CASKIN1: variants seen among roughly 807,000 people sequenced by gnomAD.
CASKIN1 encodes CASK interacting protein 1.
In CASKIN1, 42 loss-of-function variants were observed where a neutral mutation model predicts 117.5. The ratio of observed to expected loss-of-function variants is 0.36; its 90% CI spans 0.28 to 0.46. CASKIN1 has a LOEUF of 0.46. CASKIN1 is among the 20% of genes least tolerant of loss of function. The pLI is 1.00. For missense variants in CASKIN1, 2,083 were observed against 2,077.3 expected (o/e 1.00, Z -0.05); for synonymous variants, 1,148 against 961.7 (o/e 1.19, Z -3.59).
rs925699133 is a variant in CASKIN1 at position 2,196,560 on chromosome 16, C to A, written c.-128G>T. 2 of 199,458 alleles carry A rather than the reference C, an allele frequency of 1.0e-5. No individual in the cohort carries two copies. The highest frequency in any genetic ancestry group is 4.8e-5 in the African/African-American group (2 of 41,752). The allele number at this position is 199,458 out of a possible 1,614,324, so 12.4% of individuals were successfully genotyped here. ...CCGCCGCCTCCTCGCCGCCCGCCGC[C>A]CCTTCGCCCTCCTCGGGCTCCGGCT... On this transcript the variant is annotated 5_prime_UTR_variant, in exon 1 of 20. Transcript: ENST00000343516. The surrounding 1 kb of genome is among the most constrained non-coding windows in gnomAD (Gnocchi z 5.7).
chr16:2,186,869 C>A, intron 9 of CASKIN1, 45 bp from the exon 10 acceptor site: 1 of 1,606,968 alleles, frequency 6.2e-7, no homozygotes, highest in Non-Finnish European at 8.5e-7. Flanking sequence ...CCCCCTTTCG[C>A]AGAGTCTCCT....
In CASKIN1 at chr16:2,181,642, G is replaced by GAGGGGC. The variant is rs1034205435; in HGVS notation, c.1769-49_1769-44dup. On this transcript the variant is annotated intron_variant, in intron 17 of 19. Transcript: ENST00000343516. ...GGCAGGTCAGGTGGACCAGGAGGCGGAGGGGCAGGGGCCGGGCTAGGGGCG... is the reference window on the plus strand; with the variant it reads ...GGCAGGTCAGGTGGACCAGGAGGCGGAGGGGCAGGGGCAGGGGCCGGGCTAGGGGCG... The GAGGGGC allele has an allele frequency of 3.4e-6, 5 of 1,489,316 alleles. No homozygotes were observed. In the African/African-American group the frequency reaches 4.2e-5, roughly 12 times the overall value. The allele number at this position is 1,489,316 out of a possible 1,614,324, so 92.3% of individuals were successfully genotyped here. A position where few individuals can be genotyped will look rare whatever the true frequency, so the allele number is the denominator to read the frequency against.
Position 2,182,370 on chromosome 16 carries a change from C to T in CASKIN1, c.1630-441G>A, listed in dbSNP as rs1003363802. Among the ~76,000 whole-genome samples the T allele has an allele frequency of 6.6e-6, 1 of 152,088 alleles. No homozygotes were observed. Among genetic ancestry groups the T allele is most frequent in the African/African-American group, 2.4e-5 (1 of 41,396 alleles). The stretch of plus-strand genomic sequence containing the variant: ...CCCATCCCGTTTCACACTCTGACCT[C>T]TCACCCACATCACAGGGCCACACAC... On this transcript the variant is annotated intron_variant, in intron 16 of 19. Coordinates refer to ENST00000343516, the MANE Select transcript of CASKIN1 (RefSeq NM_020764.4). This position sits in a 1 kb window ranked among gnomAD's most constrained non-coding sequence, Gnocchi z 4.1.
Position 2,180,855 on chromosome 16 carries a change from T to C in CASKIN1, c.2513A>G (p.Gln838Arg). 7.1e-7 allele frequency: 1 copy of C among 1,406,048 alleles called. No homozygotes were observed. The highest frequency in any genetic ancestry group is 1.6e-5 in the South Asian group (1 of 61,712). The allele number at this position is 1,406,048 out of a possible 1,614,324, so 87.1% of individuals were successfully genotyped here. A position where few individuals can be genotyped will look rare whatever the true frequency, so the allele number is the denominator to read the frequency against. ...THRGFAYVLP[Q>R]PVEGEVGPAA... ...CGGCCCCACCTCGCCCTCCACGGGC[T>C]GGGGCAGCACGTAGGCAAAGCCGCG... The change falls in exon 18 of 20, where the codon CAG becomes CGG. Residue 838 changes from glutamine to arginine, a missense_variant. By Grantham distance (43) the Gln-to-Arg change is conservative. Coordinates refer to ENST00000343516, the MANE Select transcript of CASKIN1 (RefSeq NM_020764.4).
Position 2,189,249 on chromosome 16 carries a change from C to T in CASKIN1, c.475G>A (p.Gly159Ser). Residue 159 changes from glycine to serine, a missense_variant, in exon 5 of 20, where the codon GGC becomes AGC. Transcript: ENST00000343516. ...CACAGGAGACTCACCCCAACGCGGC[C>T]GAACTCGCAGGCCAGGTCCAGGGGC... ...KTPLDLACEF[G>S]RVGVVQLLLS... The T allele has an allele frequency of 1.2e-6, 2 of 1,613,254 alleles. No homozygotes were observed. The highest frequency in any genetic ancestry group is 1.7e-6 in the Non-Finnish European group (2 of 1,179,906).
chr16:2,185,347 T>G lies in CASKIN1; in HGVS notation c.1110A>C (p.Ala370=). Residue 370 remains alanine (A), a synonymous_variant, in exon 11 of 20, where the codon GCA becomes GCC. Coordinates refer to ENST00000343516, the MANE Select transcript of CASKIN1 (RefSeq NM_020764.4). ...TCAGCACCCAGATCTCCTCTGGGGG[T>G]GCAGAGGGTCCCGATGAGCTGCTTC... The part of the protein sequence containing the change: ...PQGSSSSGPS[A]PPEEIWVLRK... The G allele has an allele frequency of 6.2e-7, 1 of 1,611,040 alleles. No individual in the cohort carries two copies.
In CASKIN1 at chr16:2,180,066, C is replaced by T. The variant is rs777007261; in HGVS notation, c.3302G>A (p.Arg1101Gln). The T allele has an allele frequency of 2.5e-6, 4 of 1,579,832 alleles. No individual in the cohort carries two copies. The highest frequency in any genetic ancestry group is 1.7e-4 in the Middle Eastern group (1 of 5,912). Residue 1101 changes from arginine (R) to glutamine (Q), a missense_variant, in exon 18 of 20, where the codon CGG becomes CAG. This residue lies in a region of CASKIN1 where 1,818 missense variants were observed against 1,688.9 expected (regional missense o/e 1.08). Coordinates refer to ENST00000343516, the MANE Select transcript of CASKIN1 (RefSeq NM_020764.4). ...ACCCGCCTCGCCCTTGGAGGGACCC[C>T]GAGGCCGCTGCCGGCCAGTGCCATC... is the stretch of plus-strand genomic sequence containing the variant. ...VEDGTGRQRP[R>Q]GPSKGEAGVE...
At position 2,178,061 on chromosome 16, in the gene CASKIN1, T is replaced by C. The variant is rs772193884; in HGVS notation, c.*489A>G. On this transcript the variant is annotated 3_prime_UTR_variant, in exon 20 of 20. Transcript: ENST00000343516. ...TTTAAATATATATTTGTTAAAGTTA[T>C]ACCTTTTTGTTTCTCTGGGGAAATC... is the stretch of plus-strand genomic sequence containing the variant. 4.1e-6 allele frequency: 2 copies of C among 483,054 alleles called. No homozygotes were observed. The highest frequency in any genetic ancestry group is 7.9e-6 in the Non-Finnish European group (2 of 253,254). 29.9% of individuals were successfully genotyped at this position (483,054 alleles called of 1,614,324 possible).
rs1167319020 is a variant in CASKIN1, at chr16:2,189,528, C to A, written c.281G>T (p.Arg94Leu). Residue 94 changes from arginine to leucine, a missense_variant, in exon 4 of 20, where the codon CGG becomes CTG. Around this residue, in one of 3 missense-constraint regions of CASKIN1, gnomAD observed 203 missense variants for 338.7 expected, o/e 0.60. Transcript: ENST00000343516. ...CAGCACCAGCTTCATGGGCTCCTTC[C>A]GGCCCTGCCAGGCCGCATAGTGCAG... is the stretch of plus-strand genomic sequence containing the variant. ...RPLHYAAWQGRKEPMKLVLKA... is the reference protein window; with the variant it reads ...RPLHYAAWQGLKEPMKLVLKA... 1 of 1,611,408 alleles carries A rather than the reference C, an allele frequency of 6.2e-7. No homozygotes were observed. Among genetic ancestry groups the A allele is most frequent in the Non-Finnish European group, 8.5e-7 (1 of 1,179,606 alleles).
At chr16:2,183,131 C>T (rs899914151) in intron 16 of CASKIN1, among the ~76,000 whole-genome samples, 1 of 152,212 alleles carries the variant, frequency 6.6e-6, no homozygotes. Flanking sequence ...GTGCAGGTAT[C>T]GCTGAGAATG....
In CASKIN1 at chr16:2,187,344, C is replaced by T. The variant is rs764139158; in HGVS notation, c.726+9G>A. On this transcript the variant is annotated intron_variant, in intron 7 of 19. Transcript: ENST00000343516. Reference sequence around the variant, plus strand: ...CACTGGGCCCAGCGCCCCTGGGCCCCACACTCACATCCAGCAGCAGCCGCA... The same window carrying T: ...CACTGGGCCCAGCGCCCCTGGGCCCTACACTCACATCCAGCAGCAGCCGCA... 1 of 1,613,140 alleles carries T rather than the reference C, an allele frequency of 6.2e-7. No homozygotes were observed. Among genetic ancestry groups the T allele is most frequent in the East Asian group, 2.2e-5 (1 of 44,876 alleles).
At position 2,179,117 on chromosome 16, in the gene CASKIN1, G is replaced by C; in HGVS notation, c.3984C>G (p.Pro1328=). The part of the protein sequence containing the change: ...PPSLGASPAK[P]PSPGAPALHV... ...GCAGCGCGGGCGCGCCGGGGGACGG[G>C]GGCTTGGCGGGGCTGGCGCCCAGCG... is the stretch of plus-strand genomic sequence containing the variant. The change falls in exon 19 of 20, where the codon CCC becomes CCG. Residue 1328 remains proline (P), a synonymous_variant. Coordinates refer to ENST00000343516, the MANE Select transcript of CASKIN1 (RefSeq NM_020764.4). The surrounding 1 kb of genome is among the most constrained non-coding windows in gnomAD (Gnocchi z 5.8). 3 of 1,009,372 alleles carry C rather than the reference G, an allele frequency of 3.0e-6. No individual in the cohort carries two copies. The highest frequency in any genetic ancestry group is 3.5e-6 in the Non-Finnish European group (3 of 847,450). 62.5% of individuals were successfully genotyped at this position (1,009,372 alleles called of 1,614,324 possible). A position where few individuals can be genotyped will look rare whatever the true frequency, so the allele number is the denominator to read the frequency against.
Position 2,182,548 on chromosome 16 carries a change from T to C in CASKIN1, c.1630-619A>G, listed in dbSNP as rs1270457336. 6.6e-6 allele frequency among the ~76,000 whole-genome samples: 1 copy of C among 151,854 alleles called. No homozygotes were observed. Among genetic ancestry groups the C allele is most frequent in the Non-Finnish European group, 1.5e-5 (1 of 68,006 alleles). On this transcript the variant is annotated intron_variant, in intron 16 of 19. Transcript: ENST00000343516. The surrounding 1 kb of genome is among the most constrained non-coding windows in gnomAD (Gnocchi z 4.1). ...TCTTGAACACTCAGCCACCCCCAGGTGCGCGGCAAGGCCCGTGGGACCCGG... is the reference window on the plus strand; with the variant it reads ...TCTTGAACACTCAGCCACCCCCAGGCGCGCGGCAAGGCCCGTGGGACCCGG...
At chr16:2,181,735 G>A in intron 17 of CASKIN1, 56 bp downstream of exon 17, 1 of 1,581,418 alleles carries the variant, frequency 6.3e-7, no homozygotes, top group Admixed American at 1.7e-5. Context: ...GTGGCTGGTG[G>A]CTGGGGCTTG....
chr16:2,179,524 C>G lies in CASKIN1; in HGVS notation c.3775+69G>C. 7.1e-7 allele frequency: 1 copy of G among 1,403,888 alleles called. No individual in the cohort carries two copies. The highest frequency in any genetic ancestry group is 1.5e-5 in the South Asian group (1 of 66,002). 87.0% of individuals were successfully genotyped at this position (1,403,888 alleles called of 1,614,324 possible). ...CATCAAACCCAAGAAAAGGAAAACCCCTCAGACCACCGAGTAAGGAGGTGG... is the reference window on the plus strand; with the variant it reads ...CATCAAACCCAAGAAAAGGAAAACCGCTCAGACCACCGAGTAAGGAGGTGG... On this transcript the variant is annotated intron_variant, in intron 18 of 19. Transcript: ENST00000343516. This position sits in a 1 kb window ranked among gnomAD's most constrained non-coding sequence, Gnocchi z 5.8.
chr16:2,177,414 ATTT>A lies in CASKIN1; in HGVS notation c.*1133_*1135del, dbSNP rs1036774548. 5 of 232,680 alleles carry A rather than the reference ATTT, an allele frequency of 2.1e-5. No individual in the cohort carries two copies. Among genetic ancestry groups the A allele is most frequent in the Middle Eastern group, 1.3e-3 (1 of 798 alleles). 14.4% of individuals were successfully genotyped at this position (232,680 alleles called of 1,614,324 possible). ...CACACCACAATCGCTGGTTTTCGGCATTTTTTAAATTTTTTTTTTAAGAAACGT... is the reference window on the plus strand; with the variant it reads ...CACACCACAATCGCTGGTTTTCGGCATTTAAATTTTTTTTTTAAGAAACGT... On this transcript the variant is annotated 3_prime_UTR_variant, in exon 20 of 20. Coordinates refer to ENST00000343516, the MANE Select transcript of CASKIN1 (RefSeq NM_020764.4).
At chr16:2,185,665 G>A (rs774715694) in intron 10 of CASKIN1, among the ~76,000 whole-genome samples, 28 of 152,244 alleles carry the variant, frequency 1.8e-4, no homozygotes, top group Non-Finnish European at 2.8e-4. Context: ...ATTGCTGGAC[G>A]GTATGAAAGT....
rs2093156348 is a variant in CASKIN1 at position 2,179,002 on chromosome 16, C to T, written c.4099G>A (p.Asp1367Asn). The change falls in exon 19 of 20, where the codon GAC (aspartate) becomes AAC (asparagine). Residue 1367 changes from aspartate (D) to asparagine (N), a missense_variant. Coordinates refer to ENST00000343516, the MANE Select transcript of CASKIN1 (RefSeq NM_020764.4). This position sits in a 1 kb window ranked among gnomAD's most constrained non-coding sequence, Gnocchi z 5.8. ...TCCTCCAGTTTCTGCCGGGCGCTGT[C>T]CCCTGGCGAGGCGCCTTCGGGCGGG... ...PAPPEGASPG[D>N]SARQKLEETS... is the part of the protein sequence containing the mutation. 1.6e-6 allele frequency: 2 copies of T among 1,245,818 alleles called. No homozygotes were observed. The highest frequency in any genetic ancestry group is 3.3e-5 in the East Asian group (1 of 30,466). The allele number at this position is 1,245,818 out of a possible 1,614,324, so 77.2% of individuals were successfully genotyped here. A position where few individuals can be genotyped will look rare whatever the true frequency, so the allele number is the denominator to read the frequency against.
At position 2,181,492 on chromosome 16, in the gene CASKIN1, G is replaced by T; in HGVS notation, c.1876C>A (p.Leu626Ile). The T allele has an allele frequency of 6.2e-7, 1 of 1,611,416 alleles. No individual in the cohort carries two copies. The highest frequency in any genetic ancestry group is 8.5e-7 in the Non-Finnish European group (1 of 1,179,734). ...GPLRRKAPQS[L>I]EVMAIESPPP... is the part of the protein sequence containing the mutation. The stretch of plus-strand genomic sequence containing the variant: ...GGCGACTCGATGGCCATCACTTCAA[G>T]AGACTGGGGCGCCTTCCGGCGCAGG... The change falls in exon 18 of 20, where the codon CTT becomes ATT. Residue 626 changes from leucine to isoleucine, a missense_variant. Leu to Ile is a conservative substitution (Grantham distance 5, BLOSUM62 2). This residue lies in a region of CASKIN1 where 1,818 missense variants were observed against 1,688.9 expected (regional missense o/e 1.08). Transcript: ENST00000343516.
Sources: allele counts gnomAD v4.1 joint callset (sites outside exome capture counted in the v4.1 genomes callset), GRCh38; gene constraint gnomAD v4.1.1; regional missense constraint gnomAD v4.1.1; non-coding constraint Gnocchi (gnomAD v3.1); transcripts MANE v1.5; gene names NCBI Gene and HGNC (gene_info 2026-07-23, HGNC 2026-07-21).